RAB3IP: variants seen among roughly 807,000 people sequenced by gnomAD.
RAB3IP encodes the protein RAB3A interacting protein.
RAB3IP carries 36 observed loss-of-function variants against 59.1 expected under a neutral mutation model. That is an observed-to-expected ratio of 0.61 (90% CI 0.47 to 0.80). The LOEUF is 0.80. Among genes scored for constraint, RAB3IP ranks in the 30% least tolerant of loss-of-function variants. The pLI, the probability that RAB3IP is intolerant of heterozygous loss-of-function variation, is 0.00. For missense variants in RAB3IP, 511 were observed against 536.0 expected, an observed-to-expected ratio of 0.95 and a Z score of 0.46; for synonymous variants, 207 against 191.2, an observed-to-expected ratio of 1.08 and a Z score of -0.68.
intron 10 of RAB3IP, among the ~76,000 whole-genome samples, chr12:69,814,415 TTATTA>T (rs749588128): frequency 1.3e-5 from 2 of 152,032 alleles, no homozygotes; most frequent in Non-Finnish European, 2.9e-5. Flanking sequence ...TAAAATCTGT[TTATTA>T]TATGTGCCTT....
chr12:69,787,937 A>C (rs1875968007), intron 4 of RAB3IP, among the ~76,000 whole-genome samples: 1 of 152,176 alleles, frequency 6.6e-6, no homozygotes, highest in Admixed American at 6.5e-5. Context: ...TGTAAATACA[A>C]GTTTTAAAAG....
At chr12:69,762,781 A>T (rs1194356963) in intron 3 of RAB3IP, among the ~76,000 whole-genome samples, 2 of 142,634 alleles carry the variant, frequency 1.4e-5, no homozygotes, top group African/African-American at 5.3e-5. Context: ...AAAAAAAAAG[A>T]AAAAAGAGAA....
Position 69,800,313 on chromosome 12 carries a change from A to G in RAB3IP, c.993A>G (p.Pro331=), listed in dbSNP as rs1011834783. 6.3e-6 allele frequency: 10 copies of G among 1,582,712 alleles called. No homozygotes were observed. The highest frequency in any genetic ancestry group is 5.4e-5 in the African/African-American group (4 of 73,474). Residue 331 remains proline, a synonymous_variant, in exon 7 of 11, where the codon CCA becomes CCG. Transcript: ENST00000247833. Reference sequence around the variant, plus strand: ...AAATCTACCAGGAAGATATCTTTCCATGTTTAACATTCTCAAAAAGTGAGG... The same window carrying G: ...AAATCTACCAGGAAGATATCTTTCCGTGTTTAACATTCTCAAAAAGTGAGG... ...LDKIYQEDIF[P]CLTFSKSELA...
At chr12:69,739,133 G>GGCAGGT (rs1380121444) in intron 1 of RAB3IP, 102 bp downstream of exon 1, 1 of 152,188 alleles carries the variant, frequency 6.6e-6, no homozygotes, top group East Asian at 1.9e-4. Context: ...GGGCGGCCGC[G>GGCAGGT]GCAGGTGCAG....
At chr12:69,757,206 A>G (rs1286789945) in intron 3 of RAB3IP, among the ~76,000 whole-genome samples, 1 of 152,160 alleles carries the variant, frequency 6.6e-6, no homozygotes, top group African/African-American at 2.4e-5. Flanking sequence ...TAAATTTCAG[A>G]GGAAAATTTA....
At chr12:69,753,623 A>G (rs897374089) in intron 1 of RAB3IP, among the ~76,000 whole-genome samples, 2 of 152,182 alleles carry the variant, frequency 1.3e-5, no homozygotes, top group African/African-American at 4.8e-5. Flanking sequence ...TGCTGGGATT[A>G]TAGGTATGAG....
At chr12:69,804,393 T>G (rs1878900040) in intron 8 of RAB3IP, among the ~76,000 whole-genome samples, 1 of 152,234 alleles carries the variant, frequency 6.6e-6, no homozygotes, top group African/African-American at 2.4e-5. Flanking sequence ...TTCTGGATAC[T>G]AGCCCTTTGT....
chr12:69,809,846 T>A (rs185769423), intron 8 of RAB3IP, among the ~76,000 whole-genome samples: 206 of 151,836 alleles, frequency 1.4e-3, no homozygotes, highest in African/African-American at 4.2e-3. Flanking sequence ...TGGTTCGAAC[T>A]TCCTCCTTTA....
chr12:69,800,249 A>T lies in RAB3IP; in HGVS notation c.929A>T (p.Asp310Val). 1 of 1,584,672 alleles carries T rather than the reference A, an allele frequency of 6.3e-7. No homozygotes were observed. The highest frequency in any genetic ancestry group is 1.8e-5 in the Admixed American group (1 of 54,962). The change falls in exon 7 of 11, where the codon GAT (aspartate) becomes GTT (valine). Residue 310 changes from aspartate to valine, a missense_variant. Coordinates refer to ENST00000247833, the MANE Select transcript of RAB3IP (RefSeq NM_022456.5). ...SLYNEFRLWK[D>V]EPTMDRTCPF... is the part of the protein sequence containing the mutation. Reference sequence around the variant, plus strand: ...TATAATGAATTCCGATTGTGGAAGGATGAGCCCACAATGGACAGGACGTGT... The same window carrying T: ...TATAATGAATTCCGATTGTGGAAGGTTGAGCCCACAATGGACAGGACGTGT...
At chr12:69,796,738 C>T in intron 6 of RAB3IP, 2 of 491,598 alleles carry the variant, frequency 4.1e-6, no homozygotes, top group Non-Finnish European at 7.2e-6. Flanking sequence ...CTTCTTTGTC[C>T]TAACTTTAAT....
intron 1 of RAB3IP, chr12:69,739,996 C>A (rs1305317397): frequency 2.4e-6 from 2 of 828,962 alleles, no homozygotes; most frequent in Non-Finnish European, 4.0e-6. Flanking sequence ...ACCCCAACTC[C>A]TTCCGTTCAG....
At chr12:69,804,275 G>T (rs1272911451) in intron 8 of RAB3IP, among the ~76,000 whole-genome samples, 6 of 152,150 alleles carry the variant, frequency 3.9e-5, no homozygotes, top group South Asian at 2.1e-4. Context: ...TTTCATGTGT[G>T]TTTTGGCTAC....
In RAB3IP at chr12:69,822,867, C is replaced by G. The variant is rs944179517; in HGVS notation, c.*7421C>G. 2 of 152,166 alleles carry G rather than the reference C, an allele frequency of 1.3e-5. No individual in the cohort carries two copies. Among genetic ancestry groups the G allele is most frequent in the African/African-American group, 4.8e-5 (2 of 41,438 alleles). 9.4% of individuals were successfully genotyped at this position (152,166 alleles called of 1,614,324 possible). On this transcript the variant is annotated 3_prime_UTR_variant, in exon 11 of 11. Coordinates refer to ENST00000247833, the MANE Select transcript of RAB3IP (RefSeq NM_022456.5). The stretch of plus-strand genomic sequence containing the variant: ...TTCAGCCTATTTTCCTATCTCCTCT[C>G]GCACCATACTAGGCACACAATCTCT...
At chr12:69,810,047 T>C (rs1592627366) in intron 8 of RAB3IP, among the ~76,000 whole-genome samples, 2 of 152,208 alleles carry the variant, frequency 1.3e-5, no homozygotes, top group East Asian at 3.9e-4. Flanking sequence ...CTTTGTTCTT[T>C]GATGATGGTG....
In RAB3IP at chr12:69,784,783, G is replaced by C; in HGVS notation, c.574G>C (p.Glu192Gln). The C allele has an allele frequency of 6.2e-7, 1 of 1,610,402 alleles. No individual in the cohort carries two copies. The highest frequency in any genetic ancestry group is 8.5e-7 in the Non-Finnish European group (1 of 1,177,666). ...LSKVRDQLGQELEELTASLFE... is the reference protein window; with the variant it reads ...LSKVRDQLGQQLEELTASLFE... ...AAAAGTGCGAGATCAACTTGGACAG[G>C]AATTGGAAGAACTCACAGCTAGTCT... The change falls in exon 4 of 11, where the codon GAA becomes CAA. Residue 192 changes from glutamate to glutamine, a missense_variant. Glu to Gln is a conservative substitution (Grantham distance 29). Coordinates refer to ENST00000247833, the MANE Select transcript of RAB3IP (RefSeq NM_022456.5).
At chr12:69,813,885 C>T (rs1490838019) in intron 10 of RAB3IP, among the ~76,000 whole-genome samples, 2 of 152,036 alleles carry the variant, frequency 1.3e-5, no homozygotes, top group East Asian at 3.9e-4. Context: ...AAGTTAGTCA[C>T]GCTGATAAAA....
chr12:69,757,717 TA>T (rs397768507), intron 3 of RAB3IP, among the ~76,000 whole-genome samples: 1 of 152,176 alleles, frequency 6.6e-6, no homozygotes, highest in Non-Finnish European at 1.5e-5. Flanking sequence ...TTCATTTTTT[TA>T]ATCCCCAGTT....
At chr12:69,745,253 A>G (rs1868285733) in intron 1 of RAB3IP, among the ~76,000 whole-genome samples, 1 of 152,112 alleles carries the variant, frequency 6.6e-6, no homozygotes, top group African/African-American at 2.4e-5. Context: ...TACTTTTACA[A>G]ACTTTGTTCT....
chr12:69,748,228 T>C (rs757535753), intron 1 of RAB3IP, among the ~76,000 whole-genome samples: 63 of 152,208 alleles, frequency 4.1e-4, no homozygotes, highest in Non-Finnish European at 7.8e-4. Flanking sequence ...AAAATATGTA[T>C]ATGCATTTTA....
Sources: allele counts gnomAD v4.1 joint callset (sites outside exome capture counted in the v4.1 genomes callset), GRCh38; gene constraint gnomAD v4.1.1; transcripts MANE v1.5; gene names NCBI Gene and HGNC (gene_info 2026-07-23, HGNC 2026-07-21).